Variants in LAMA2 observed in about 807,000 individuals in gnomAD.
LAMA2 encodes the protein laminin subunit alpha 2.
A neutral mutation model predicts 364.8 loss-of-function variants in LAMA2; 269 were observed. That is an observed-to-expected ratio of 0.74 (90% confidence interval 0.67 to 0.82). The LOEUF is 0.82. Ranked by LOEUF, LAMA2 falls within the 40% of genes least tolerant of loss-of-function variation. The probability of loss-of-function intolerance (pLI) is 0.00; values close to 1 mark genes in which losing one functional copy is unlikely to be tolerated. For synonymous variants in LAMA2, 1,379 were observed against 1,370.6 expected (o/e 1.01, Z -0.14); for missense variants, 3,807 against 3,873.2 (o/e 0.98, Z 0.45).
intron 40 of LAMA2, among the ~76,000 whole-genome samples, chr6:129,410,664 A>G (rs1780488820): frequency 6.6e-6 from 1 of 152,200 alleles, no homozygotes; most frequent in Non-Finnish European, 1.5e-5. Flanking sequence ...AGATGAATGG[A>G]TGGATAGGTG....
At chr6:129,492,158 C>A in intron 57 of LAMA2, 81 bp downstream of exon 57, 1 of 1,418,068 alleles carries the variant, frequency 7.1e-7, no homozygotes, top group Non-Finnish European at 1.0e-6. Flanking sequence ...TCTACATTGT[C>A]TACAGCTATG....
intron 40 of LAMA2, among the ~76,000 whole-genome samples, chr6:129,421,807 A>G (rs1311459145): frequency 6.6e-6 from 1 of 152,032 alleles, no homozygotes; most frequent in Non-Finnish European, 1.5e-5. Flanking sequence ...TTTTCCTCCA[A>G]ATCTCTTGAT....
chr6:129,028,520 A>T (rs1179124516), intron 1 of LAMA2, among the ~76,000 whole-genome samples: 1 of 151,904 alleles, frequency 6.6e-6, no homozygotes, highest in Non-Finnish European at 1.5e-5. Flanking sequence ...AGGGTAGACA[A>T]AGACAAAATA....
intron 12 of LAMA2, among the ~76,000 whole-genome samples, chr6:129,214,964 G>GT (rs1289564015): frequency 6.6e-6 from 1 of 152,080 alleles, no homozygotes; most frequent in East Asian, 1.9e-4. Flanking sequence ...GAGTTTTATA[G>GT]TTTTCCTCAT....
At chr6:129,017,641 A>G (rs1785162711) in intron 1 of LAMA2, among the ~76,000 whole-genome samples, 1 of 152,084 alleles carries the variant, frequency 6.6e-6, no homozygotes, top group African/African-American at 2.4e-5. Context: ...GCCATTGACT[A>G]GCCACCTGCC....
intron 29 of LAMA2, among the ~76,000 whole-genome samples, chr6:129,333,025 T>G (rs1165711938): frequency 6.6e-6 from 1 of 151,440 alleles, no homozygotes; most frequent in Admixed American, 6.6e-5. Context: ...CCTGAGTAGC[T>G]GGGATTACAG....
intron 50 of LAMA2, among the ~76,000 whole-genome samples, chr6:129,464,666 T>C (rs1783448784): frequency 2.6e-5 from 4 of 151,978 alleles, no homozygotes; most frequent in Admixed American, 2.6e-4. Context: ...TTACTATTTA[T>C]TTTCAATACA....
intron 4 of LAMA2, among the ~76,000 whole-genome samples, chr6:129,142,931 G>C (rs1778215420): frequency 6.6e-6 from 1 of 151,880 alleles, no homozygotes; most frequent in Non-Finnish European, 1.5e-5. Context: ...TCATATATTT[G>C]TGCATTTTGT....
intron 1 of LAMA2, among the ~76,000 whole-genome samples, chr6:129,047,652 T>G (rs535042441): frequency 6.6e-6 from 1 of 152,324 alleles, no homozygotes; most frequent in East Asian, 1.9e-4. Context: ...AACTGAGTTG[T>G]CACTTGATCT....
intron 40 of LAMA2, among the ~76,000 whole-genome samples, chr6:129,406,577 G>A (rs1780258917): frequency 1.3e-5 from 2 of 152,102 alleles, no homozygotes; most frequent in South Asian, 4.2e-4. Context: ...ATGGAATATG[G>A]ACATCAGTAA....
chr6:129,145,342 G>A (rs553312134), intron 5 of LAMA2, among the ~76,000 whole-genome samples: 1 of 152,040 alleles, frequency 6.6e-6, no homozygotes, highest in East Asian at 1.9e-4. Flanking sequence ...AGATGTTTTA[G>A]TGCCCTGTAT....
chr6:129,319,756 T>C (rs1774837313), intron 27 of LAMA2, among the ~76,000 whole-genome samples: 1 of 152,158 alleles, frequency 6.6e-6, no homozygotes, highest in South Asian at 2.1e-4. Context: ...ACTGATAACA[T>C]AGTAGATTAA....
intron 1 of LAMA2, among the ~76,000 whole-genome samples, chr6:128,956,563 G>A (rs1407161044): frequency 6.6e-6 from 1 of 151,866 alleles, no homozygotes; most frequent in Non-Finnish European, 1.5e-5. Flanking sequence ...AGAAAATAGG[G>A]ACAATTAATG....
chr6:129,486,124 C>G (rs1784573009), intron 55 of LAMA2, among the ~76,000 whole-genome samples: 3 of 152,190 alleles, frequency 2.0e-5, no homozygotes, highest in Admixed American at 2.0e-4. Flanking sequence ...AGCTAGCTGT[C>G]CACTTGTGAA....
At chr6:129,332,311 C>A (rs1176962166) in intron 29 of LAMA2, among the ~76,000 whole-genome samples, 1 of 152,134 alleles carries the variant, frequency 6.6e-6, no homozygotes. Context: ...AAATTTATTT[C>A]ATCCATATTA....
chr6:128,914,239 C>A (rs115277532), intron 1 of LAMA2, among the ~76,000 whole-genome samples: 1 of 152,102 alleles, frequency 6.6e-6, no homozygotes. Flanking sequence ...TCTGGGATGT[C>A]GTAACAATTT....
intron 37 of LAMA2, among the ~76,000 whole-genome samples, chr6:129,398,074 A>G (rs1476295199): frequency 6.6e-6 from 1 of 152,194 alleles, no homozygotes; most frequent in Admixed American, 6.5e-5. Flanking sequence ...CAAAATATAT[A>G]TAGCTCTTCA....
intron 12 of LAMA2, among the ~76,000 whole-genome samples, chr6:129,194,993 A>T (rs1781752214): frequency 6.6e-6 from 1 of 152,228 alleles, no homozygotes; most frequent in Non-Finnish European, 1.5e-5. Context: ...CATTGCCAGA[A>T]TCTGACAGAA....
chr6:129,277,870 G>A (rs1331689749), intron 17 of LAMA2, among the ~76,000 whole-genome samples: 3 of 152,188 alleles, frequency 2.0e-5, no homozygotes, highest in African/African-American at 7.2e-5. Context: ...TGACATGTGA[G>A]TGTATTTAAG....
Sources: gnomAD v4.1 joint callset for allele counts (sites outside exome capture counted in the v4.1 genomes callset) on GRCh38, gnomAD v4.1.1 for gene constraint, MANE v1.5 for transcripts, NCBI Gene and HGNC (gene_info 2026-07-23, HGNC 2026-07-21) for gene names.